Variants in RELCH observed in about 807,000 individuals in gnomAD.
RELCH encodes RAB11 binding and LisH domain, coiled-coil and HEAT repeat containing.
RELCH carries 41 observed loss-of-function variants against 150.3 expected under a neutral mutation model. That is an observed-to-expected ratio of 0.27 (90% CI 0.21 to 0.35). RELCH has a LOEUF of 0.35. Ranked by LOEUF, RELCH falls within the 10% of genes least tolerant of loss-of-function variation. The pLI is 1.00. For synonymous variants in RELCH, 478 were observed against 531.8 expected, an observed-to-expected ratio of 0.90 and a Z score of 1.39; for missense variants, 1,092 against 1,467.8, an observed-to-expected ratio of 0.74 and a Z score of 4.18.
intron 26 of RELCH, among the ~76,000 whole-genome samples, chr18:62,290,493 T>G (rs978563942): frequency 3.9e-5 from 6 of 152,206 alleles, no homozygotes; most frequent in African/African-American, 7.2e-5. Context: ...ATTGTGCCAC[T>G]GCACTCCAGC....
intron 27 of RELCH, among the ~76,000 whole-genome samples, chr18:62,294,875 T>A (rs771692671): frequency 6.6e-6 from 1 of 152,220 alleles, no homozygotes; most frequent in Non-Finnish European, 1.5e-5. Flanking sequence ...GAACCGTTCA[T>A]CCTTTTTGCA....
intron 10 of RELCH, among the ~76,000 whole-genome samples, chr18:62,242,324 T>G (rs1310869047): frequency 6.6e-6 from 1 of 152,128 alleles, no homozygotes; most frequent in Non-Finnish European, 1.5e-5. Context: ...TCACAGAAAT[T>G]TAGGGTTCAA....
chr18:62,305,400 ATT>A lies in RELCH; in HGVS notation c.3531-11_3531-10del, dbSNP rs1381844528. 1 of 1,576,038 alleles carries A rather than the reference ATT, an allele frequency of 6.3e-7. No individual in the cohort carries two copies. Among genetic ancestry groups the A allele is most frequent in the Non-Finnish European group, 8.6e-7 (1 of 1,167,420 alleles). ...TTTAATTGCTTTACATGAATTTTAA[ATT>A]TTCTTTCCTAGCTCAATGTCAATTG... On this transcript the variant is annotated splice_polypyrimidine_tract_variant and intron_variant, in intron 28 of 28. Coordinates refer to ENST00000644646, the MANE Select transcript of RELCH (RefSeq NM_001346231.2). The surrounding 1 kb of genome is among the most constrained non-coding windows in gnomAD (Gnocchi z 4.0).
intron 24 of RELCH, among the ~76,000 whole-genome samples, chr18:62,281,183 G>T (rs2044497759): frequency 6.6e-6 from 1 of 152,168 alleles, no homozygotes; most frequent in African/African-American, 2.4e-5. Context: ...TTGCAGTTTT[G>T]AATAATCCTT....
chr18:62,228,695 A>G, intron 8 of RELCH, 97 bp downstream of exon 8: 1 of 856,200 alleles, frequency 1.2e-6, no homozygotes, highest in African/African-American at 1.7e-5. Flanking sequence ...GCTTTTTTGC[A>G]GATCAAATAT....
chr18:62,267,390 ATC>A (rs1170393980), intron 19 of RELCH, among the ~76,000 whole-genome samples: 3 of 151,326 alleles, frequency 2.0e-5, no homozygotes, highest in Admixed American at 1.3e-4. Context: ...TTGAATATAT[ATC>A]TCTCTATATA....
chr18:62,267,915 G>T (rs78142926), intron 19 of RELCH, among the ~76,000 whole-genome samples: 2,114 of 151,920 alleles, frequency 0.014, 22 homozygotes, highest in Non-Finnish European at 0.021. Context: ...TTAAGCTTAT[G>T]TTCTAACATT....
chr18:62,249,325 A>G (rs1356717320), intron 11 of RELCH, among the ~76,000 whole-genome samples: 1 of 152,162 alleles, frequency 6.6e-6, no homozygotes, highest in Non-Finnish European at 1.5e-5. Context: ...TCTTTTCTGC[A>G]ATTATCAAAA....
intron 26 of RELCH, among the ~76,000 whole-genome samples, chr18:62,290,262 G>A (rs540152333): frequency 5.3e-5 from 8 of 152,250 alleles, no homozygotes; most frequent in East Asian, 3.9e-4. Flanking sequence ...GGCCGGGCAC[G>A]GTGGCTCACG....
At chr18:62,223,292 G>T (rs1212065020) in intron 5 of RELCH, among the ~76,000 whole-genome samples, 1 of 151,094 alleles carries the variant, frequency 6.6e-6, no homozygotes, top group African/African-American at 2.4e-5. Flanking sequence ...AATGAGCAAG[G>T]TTACATCACT....
At chr18:62,192,755 G>A (rs1024651990) in intron 1 of RELCH, among the ~76,000 whole-genome samples, 2 of 152,106 alleles carry the variant, frequency 1.3e-5, no homozygotes, top group Non-Finnish European at 2.9e-5. Context: ...GTCTGTTTTT[G>A]TACCAGTACC....
At chr18:62,294,207 G>A (rs1323477061) in intron 27 of RELCH, among the ~76,000 whole-genome samples, 1 of 152,172 alleles carries the variant, frequency 6.6e-6, no homozygotes, top group Non-Finnish European at 1.5e-5. Context: ...AAGTTTGTCT[G>A]TGAGATACAA....
At chr18:62,304,184 C>T (rs910867352) in intron 28 of RELCH, among the ~76,000 whole-genome samples, 5 of 152,060 alleles carry the variant, frequency 3.3e-5, no homozygotes, top group African/African-American at 1.2e-4. Flanking sequence ...TGGGACTGAC[C>T]CTCAGGAAAA....
chr18:62,190,138 T>C (rs1448856052), intron 1 of RELCH, among the ~76,000 whole-genome samples: 4 of 152,210 alleles, frequency 2.6e-5, no homozygotes, highest in African/African-American at 9.7e-5. Context: ...AAACAAAAAA[T>C]GGATTAAACT....
rs140255080 is a variant in RELCH at position 62,227,867 on chromosome 18, T to TC, written c.1154+181dup. Among the ~76,000 whole-genome samples the TC allele has an allele frequency of 3.8e-3, 572 of 152,254 alleles. 4 individuals carry two copies. The highest frequency in any genetic ancestry group is 0.013 in the African/African-American group (551 of 41,568). ...ATTTAAAATAGTAATAGGTTTTTTT[T>TC]CCCAAAACAAGTTACTAAATCAATA... is the stretch of plus-strand genomic sequence containing the variant. On this transcript the variant is annotated intron_variant, in intron 7 of 28. Coordinates refer to ENST00000644646, the MANE Select transcript of RELCH (RefSeq NM_001346231.2).
At chr18:62,221,152 T>C in intron 3 of RELCH, 44 bp downstream of exon 3, 3 of 1,596,818 alleles carry the variant, frequency 1.9e-6, no homozygotes, top group South Asian at 1.1e-5. Flanking sequence ...ACTTTGACAA[T>C]GTAGAAGTAG....
At position 62,203,021 on chromosome 18, in the gene RELCH, A is replaced by G. The variant is rs1414159942; in HGVS notation, c.527-8132A>G. Among the ~76,000 whole-genome samples the G allele has an allele frequency of 2.0e-5, 3 of 152,244 alleles. No individual in the cohort carries two copies. In the East Asian group the frequency reaches 5.8e-4, roughly 29 times the overall value. ...ACATGGGCCTAAGAGAAGAGAAGATAGTACTCAAGTGGAGTTTCTGCTTAG... is the reference window on the plus strand; with the variant it reads ...ACATGGGCCTAAGAGAAGAGAAGATGGTACTCAAGTGGAGTTTCTGCTTAG... On this transcript the variant is annotated intron_variant, in intron 1 of 28. Coordinates refer to ENST00000644646, the MANE Select transcript of RELCH (RefSeq NM_001346231.2).
intron 2 of RELCH, among the ~76,000 whole-genome samples, chr18:62,218,482 A>T (rs1049842338): frequency 6.6e-6 from 1 of 151,948 alleles, no homozygotes; most frequent in Non-Finnish European, 1.5e-5. Context: ...TTGAAATTTC[A>T]CATTCCACCT....
intron 1 of RELCH, among the ~76,000 whole-genome samples, chr18:62,198,345 A>T (rs2039186498): frequency 6.6e-6 from 1 of 152,154 alleles, no homozygotes. Context: ...ATGGTTACTT[A>T]TAAGTTGCTG....
Sources: gnomAD v4.1 joint callset for allele counts (sites outside exome capture counted in the v4.1 genomes callset) on GRCh38, gnomAD v4.1.1 for gene constraint, Gnocchi (gnomAD v3.1) non-coding constraint, MANE v1.5 for transcripts, NCBI Gene and HGNC (gene_info 2026-07-23, HGNC 2026-07-21) for gene names.